RPS6KA5: variants seen among roughly 807,000 people sequenced by gnomAD.
RPS6KA5 encodes the protein ribosomal protein S6 kinase A5, also known as ribosomal protein S6 kinase alpha-5.
In RPS6KA5, 27 loss-of-function variants were observed where a neutral mutation model predicts 85.5. That is an observed-to-expected ratio of 0.32 (90% CI 0.23 to 0.44). The LOEUF (loss-of-function observed/expected upper bound fraction) is 0.44. Ranked by LOEUF, RPS6KA5 falls within the 20% of genes least tolerant of loss-of-function variation. The pLI, the probability that RPS6KA5 is intolerant of heterozygous loss-of-function variation, is 1.00. For synonymous variants in RPS6KA5, 334 were observed against 348.2 expected (o/e 0.96, Z 0.46); for missense variants, 811 against 980.9 (o/e 0.83, Z 2.31).
At chr14:91,044,805 A>G (rs1055433232) in intron 1 of RPS6KA5, among the ~76,000 whole-genome samples, 5 of 150,104 alleles carry the variant, frequency 3.3e-5, no homozygotes, top group African/African-American at 1.2e-4. Flanking sequence ...CAGGAGGCAG[A>G]GGTTGCAGTG....
chr14:90,883,012 G>A lies in RPS6KA5; in HGVS notation c.1836+7475C>T, dbSNP rs572419037. 3.9e-5 allele frequency among the ~76,000 whole-genome samples: 6 copies of A among 152,154 alleles called. No individual in the cohort carries two copies. The South Asian group carries it at 1.2e-3, about 32-fold the overall frequency. ...GGGGTTTCACCATGTTGGCCAGGGT[G>A]GTCTTGAACTCCTGACCTCAAGTGA... On this transcript the variant is annotated intron_variant, in intron 14 of 16. Transcript: ENST00000614987.
chr14:91,020,665 T>G (rs2041728326), intron 1 of RPS6KA5, among the ~76,000 whole-genome samples: 1 of 151,620 alleles, frequency 6.6e-6, no homozygotes, highest in African/African-American at 2.4e-5. Context: ...TATGTGTATG[T>G]GTATGTATAT....
At position 90,969,057 on chromosome 14, in the gene RPS6KA5, G is replaced by A. The variant is rs977633965; in HGVS notation, c.394+9249C>T. ...CTTCTTGGATTCAGAATAGCAAGCC[G>A]TGTGTGTGTATGTGTGTTTGTATGT... On this transcript the variant is annotated intron_variant, in intron 3 of 16. Transcript: ENST00000614987. Among the ~76,000 whole-genome samples the A allele has an allele frequency of 2.6e-5, 4 of 152,158 alleles. 1 individual carries two copies. The Middle Eastern group carries it at 0.01, about 388-fold the overall frequency.
In RPS6KA5 at chr14:90,848,726, G is replaced by T. The variant is rs2140089244; in HGVS notation, c.*23348C>A. The T allele has an allele frequency of 6.6e-6, 1 of 152,230 alleles. No homozygotes were observed. Among genetic ancestry groups the T allele is most frequent in the African/African-American group, 2.4e-5 (1 of 41,556 alleles). 9.4% of individuals were successfully genotyped at this position (152,230 alleles called of 1,614,324 possible). On this transcript the variant is annotated 3_prime_UTR_variant, in exon 17 of 17. Transcript: ENST00000614987. ...ACATGCCAGCTGAGTGACTTGCAAAGGTTTGCCCCAGAAGGGCTTTTTAAA... is the reference window on the plus strand; with the variant it reads ...ACATGCCAGCTGAGTGACTTGCAAATGTTTGCCCCAGAAGGGCTTTTTAAA...
At chr14:90,989,878 G>C (rs1015974231) in intron 2 of RPS6KA5, among the ~76,000 whole-genome samples, 10 of 152,092 alleles carry the variant, frequency 6.6e-5, no homozygotes, top group African/African-American at 2.4e-4. Context: ...AGGGGGACAG[G>C]GCAACAGGGT....
chr14:90,980,299 T>TAC (rs1015815932), intron 2 of RPS6KA5, among the ~76,000 whole-genome samples: 6 of 152,206 alleles, frequency 3.9e-5, no homozygotes, highest in Non-Finnish European at 1.5e-5. Flanking sequence ...GTTCCTTACA[T>TAC]ACACATGGCA....
At chr14:90,943,838 G>GT (rs1254164613) in intron 4 of RPS6KA5, among the ~76,000 whole-genome samples, 2 of 152,058 alleles carry the variant, frequency 1.3e-5, no homozygotes, top group Non-Finnish European at 2.9e-5. Flanking sequence ...AACTTTAGTT[G>GT]TTTTTTGTTG....
In RPS6KA5 at chr14:90,851,726, T is replaced by C. The variant is rs2032003905; in HGVS notation, c.*20348A>G. On this transcript the variant is annotated 3_prime_UTR_variant, in exon 17 of 17. Coordinates refer to ENST00000614987, the MANE Select transcript of RPS6KA5 (RefSeq NM_004755.4). ...GAGCTCTTTGGGTAACCTTGTTTTC[T>C]TCTAGAGGATGAAGGTATTTCTCTT... 6.6e-6 allele frequency: 1 copy of C among 152,258 alleles called. No individual in the cohort carries two copies. The allele number at this position is 152,258 out of a possible 1,614,324, so 9.4% of individuals were successfully genotyped here.
intron 1 of RPS6KA5, among the ~76,000 whole-genome samples, chr14:91,011,440 C>T (rs1217962975): frequency 1.3e-5 from 2 of 151,972 alleles, no homozygotes; most frequent in Admixed American, 6.6e-5. Context: ...GAGCTGAGAT[C>T]GCGCCACTGC....
intron 9 of RPS6KA5, among the ~76,000 whole-genome samples, chr14:90,902,150 C>G (rs1009753100): frequency 6.6e-5 from 10 of 150,948 alleles, no homozygotes; most frequent in African/African-American, 2.4e-4. Flanking sequence ...CCACTGCACT[C>G]CAGCCTGGGT....
intron 1 of RPS6KA5, among the ~76,000 whole-genome samples, chr14:91,023,850 A>G (rs1185810113): frequency 6.6e-6 from 1 of 152,184 alleles, no homozygotes; most frequent in Non-Finnish European, 1.5e-5. Context: ...TTGAAGTCTA[A>G]TAGTATTAAT....
intron 7 of RPS6KA5, among the ~76,000 whole-genome samples, chr14:90,916,023 G>A (rs1181533669): frequency 6.6e-6 from 1 of 152,028 alleles, no homozygotes; most frequent in Non-Finnish European, 1.5e-5. Context: ...CTAATGAATA[G>A]CTAAAAGATT....
In RPS6KA5 at chr14:90,906,242, G is replaced by C. The variant is rs747609197; in HGVS notation, c.864C>G (p.Asp288Glu). Residue 288 changes from aspartate to glutamate, a missense_variant, in exon 8 of 17, where the codon GAC becomes GAG. Transcript: ENST00000614987. Reference protein sequence around the residue: ...YPQEMSALAKDLIQRLLMKDP... With the variant: ...YPQEMSALAKELIQRLLMKDP... ...CTTTCATCAAAAGACGCTGAATTAG[G>C]TCTTTCGCTAAAGCACTCATTTCTT... 3.2e-5 allele frequency: 51 copies of C among 1,611,924 alleles called. No homozygotes were observed. The Admixed American group carries it at 8.3e-4, about 26-fold the overall frequency.
intron 14 of RPS6KA5, among the ~76,000 whole-genome samples, chr14:90,887,621 T>A (rs1404352055): frequency 1.3e-5 from 2 of 151,998 alleles, no homozygotes; most frequent in Non-Finnish European, 2.9e-5. Context: ...AGTATATAAA[T>A]TAGATCTATA....
Position 90,900,606 on chromosome 14 carries a change from T to C in RPS6KA5, c.1245+5A>G. 6.2e-7 allele frequency: 1 copy of C among 1,612,398 alleles called. No individual in the cohort carries two copies. On this transcript the variant is annotated splice_donor_5th_base_variant and intron_variant, in intron 10 of 16. Transcript: ENST00000614987. ...TATGTCATATAAGTTACCACATCTATATACCTTCATCATTGCACTCCTGGC... is the reference window on the plus strand; with the variant it reads ...TATGTCATATAAGTTACCACATCTACATACCTTCATCATTGCACTCCTGGC...
At chr14:90,951,889 T>TAG (rs2038209511) in intron 3 of RPS6KA5, among the ~76,000 whole-genome samples, 1 of 152,082 alleles carries the variant, frequency 6.6e-6, no homozygotes, top group Admixed American at 6.5e-5. Context: ...AGGGGAAACT[T>TAG]TTCTGTCTGT....
intron 1 of RPS6KA5, among the ~76,000 whole-genome samples, chr14:91,007,616 T>C (rs906872279): frequency 5.9e-5 from 9 of 152,310 alleles, no homozygotes; most frequent in South Asian, 2.1e-4. Context: ...CCATGAATTT[T>C]GTGAAATCCC....
rs961316311 is a variant in RPS6KA5, at chr14:90,851,488, A to T, written c.*20586T>A. On this transcript the variant is annotated 3_prime_UTR_variant, in exon 17 of 17. Transcript: ENST00000614987. ...CAGTATGCTGGTGAGACAGGGAGGCACAGGTTAACCCCATTTTACAGATGA... is the reference window on the plus strand; with the variant it reads ...CAGTATGCTGGTGAGACAGGGAGGCTCAGGTTAACCCCATTTTACAGATGA... 2.6e-5 allele frequency: 4 copies of T among 152,170 alleles called. No individual in the cohort carries two copies. The highest frequency in any genetic ancestry group is 4.8e-5 in the African/African-American group (2 of 41,434). 9.4% of individuals were successfully genotyped at this position (152,170 alleles called of 1,614,324 possible). A position where few individuals can be genotyped will look rare whatever the true frequency, so the allele number is the denominator to read the frequency against.
chr14:90,891,107 G>T lies in RPS6KA5; in HGVS notation c.1645-429C>A, dbSNP rs184510480. On this transcript the variant is annotated intron_variant, in intron 13 of 16. Coordinates refer to ENST00000614987, the MANE Select transcript of RPS6KA5 (RefSeq NM_004755.4). ...TTCTGGCACTTACCACCTCTGTATT[G>T]CTAGCTTAATGTCTTCATCCCCATT... 3.1e-4 allele frequency among the ~76,000 whole-genome samples: 47 copies of T among 151,786 alleles called. 1 individual carries two copies. Among genetic ancestry groups the T allele is most frequent in the African/African-American group, 1.0e-3 (42 of 41,366 alleles).
Sources: allele counts gnomAD v4.1 joint callset (sites outside exome capture counted in the v4.1 genomes callset), GRCh38; gene constraint gnomAD v4.1.1; transcripts MANE v1.5; gene names NCBI Gene and HGNC (gene_info 2026-07-23, HGNC 2026-07-21).